Variants in RUNDC3B observed in about 807,000 individuals in gnomAD.
The protein encoded by RUNDC3B is RUN domain-containing protein 3B.
In RUNDC3B, 33 loss-of-function variants were observed where a neutral mutation model predicts 58.4. The observed-to-expected ratio is 0.56, with a 90% confidence interval of 0.43 to 0.75. RUNDC3B has a LOEUF of 0.75. RUNDC3B is among the 30% of genes least tolerant of loss of function. The pLI, the probability that RUNDC3B is intolerant of heterozygous loss-of-function variation, is 0.00. For synonymous variants in RUNDC3B, 193 were observed against 195.2 expected (o/e 0.99, Z 0.10); for missense variants, 501 against 535.7 (o/e 0.94, Z 0.64).
chr7:87,793,658 C>A (rs1835650616), intron 8 of RUNDC3B, among the ~76,000 whole-genome samples: 1 of 151,990 alleles, frequency 6.6e-6, no homozygotes, highest in Non-Finnish European at 1.5e-5. Flanking sequence ...ACTCAAAAAA[C>A]TGAGTTTTTT....
intron 2 of RUNDC3B, chr7:87,659,132 A>G (rs1824433896): frequency 2.8e-6 from 1 of 357,538 alleles, no homozygotes; most frequent in South Asian, 2.3e-5. Flanking sequence ...ACTGCAATCT[A>G]GCCTGGGCAA....
intron 1 of RUNDC3B, among the ~76,000 whole-genome samples, chr7:87,633,445 T>C (rs934846394): frequency 2.0e-5 from 3 of 152,214 alleles, no homozygotes; most frequent in African/African-American, 4.8e-5. Flanking sequence ...CCTTGGAGAC[T>C]CTTGCAGCAT....
intron 4 of RUNDC3B, among the ~76,000 whole-genome samples, chr7:87,714,217 G>A (rs28381713): frequency 0.034 from 5,153 of 152,194 alleles, 274 homozygotes; most frequent in African/African-American, 0.11. Flanking sequence ...GTTCTTAGGC[G>A]GATCGGCAGG....
chr7:87,693,314 T>C (rs1053772589), intron 2 of RUNDC3B, among the ~76,000 whole-genome samples: 4 of 152,208 alleles, frequency 2.6e-5, no homozygotes, highest in Admixed American at 2.6e-4. Flanking sequence ...ACCAACATTT[T>C]ATATAATATC....
chr7:87,702,477 T>C (rs1213757113), intron 3 of RUNDC3B, among the ~76,000 whole-genome samples: 1 of 151,990 alleles, frequency 6.6e-6, no homozygotes, highest in Non-Finnish European at 1.5e-5. Flanking sequence ...ATAATATCTC[T>C]CTTTGTTGCC....
chr7:87,808,568 A>G (rs965651486), intron 9 of RUNDC3B, among the ~76,000 whole-genome samples: 2 of 152,220 alleles, frequency 1.3e-5, no homozygotes, highest in Non-Finnish European at 2.9e-5. Flanking sequence ...TTCATTGATT[A>G]TTAGAGATAA....
intron 7 of RUNDC3B, among the ~76,000 whole-genome samples, chr7:87,775,819 C>T (rs1174684041): frequency 1.3e-5 from 2 of 152,102 alleles, no homozygotes; most frequent in East Asian, 3.9e-4. Flanking sequence ...ATAGGCTATA[C>T]CATCTAGCCT....
At chr7:87,648,708 G>T (rs28746500) in intron 1 of RUNDC3B, among the ~76,000 whole-genome samples, 321 of 151,874 alleles carry the variant, frequency 2.1e-3, no homozygotes, top group African/African-American at 7.4e-3. Context: ...TTTATTTCCC[G>T]ATATAACTGG....
chr7:87,732,421 G>A (rs1278915838), intron 4 of RUNDC3B, among the ~76,000 whole-genome samples: 4 of 152,136 alleles, frequency 2.6e-5, no homozygotes, highest in Non-Finnish European at 5.9e-5. Context: ...GGGGAGAGTC[G>A]GAAAAAGCGT....
At chr7:87,662,519 C>A (rs1222740431) in intron 2 of RUNDC3B, among the ~76,000 whole-genome samples, 1 of 152,026 alleles carries the variant, frequency 6.6e-6, no homozygotes, top group East Asian at 1.9e-4. Context: ...TGTCCTTTCC[C>A]CAATATACAT....
chr7:87,756,562 G>A (rs1833386113), intron 6 of RUNDC3B, among the ~76,000 whole-genome samples: 2 of 151,660 alleles, frequency 1.3e-5, no homozygotes, highest in South Asian at 4.2e-4. Flanking sequence ...GGTAAGTTAT[G>A]GCTTATTTTA....
intron 4 of RUNDC3B, among the ~76,000 whole-genome samples, chr7:87,721,690 T>G (rs140911138): frequency 6.6e-6 from 1 of 152,238 alleles, no homozygotes; most frequent in Non-Finnish European, 1.5e-5. Context: ...TATTGCACTT[T>G]CTAAGATTGA....
At chr7:87,697,367 C>T (rs1409747153) in intron 2 of RUNDC3B, among the ~76,000 whole-genome samples, 1 of 152,090 alleles carries the variant, frequency 6.6e-6, no homozygotes, top group African/African-American at 2.4e-5. Flanking sequence ...GTGTGTAGTA[C>T]TTCATTTCTT....
At chr7:87,788,342 A>C (rs555644761) in intron 8 of RUNDC3B, among the ~76,000 whole-genome samples, 17 of 152,228 alleles carry the variant, frequency 1.1e-4, no homozygotes, top group Non-Finnish European at 2.1e-4. Flanking sequence ...GCATAAGTGC[A>C]TTCCAGTCTG....
intron 2 of RUNDC3B, among the ~76,000 whole-genome samples, chr7:87,658,187 A>AGCAAAGAAATGGAAGAT (rs1381453563): frequency 6.6e-6 from 1 of 152,196 alleles, no homozygotes; most frequent in African/African-American, 2.4e-5. Flanking sequence ...AGAAATCCAC[A>AGCAAAGAAATGGAAGAT]GCAAAGAAAT....
chr7:87,801,665 A>G (rs192345967), intron 8 of RUNDC3B, among the ~76,000 whole-genome samples: 2 of 152,126 alleles, frequency 1.3e-5, no homozygotes, highest in Non-Finnish European at 1.5e-5. Flanking sequence ...GCTACTTGGG[A>G]GGCTGAGGCA....
intron 2 of RUNDC3B, among the ~76,000 whole-genome samples, chr7:87,667,957 G>A (rs1312407541): frequency 6.6e-6 from 1 of 151,890 alleles, no homozygotes; most frequent in African/African-American, 2.4e-5. Context: ...TTTTTTTGTT[G>A]TGTCTCTTCC....
At chr7:87,708,591 C>T (rs1196328269) in intron 3 of RUNDC3B, among the ~76,000 whole-genome samples, 1 of 152,038 alleles carries the variant, frequency 6.6e-6, no homozygotes, top group African/African-American at 2.4e-5. Context: ...TAAGAGTTGT[C>T]TGTCAGATAT....
chr7:87,706,378 A>T (rs1419784825), intron 3 of RUNDC3B, among the ~76,000 whole-genome samples: 1 of 152,180 alleles, frequency 6.6e-6, no homozygotes, highest in Middle Eastern at 3.2e-3. Flanking sequence ...AGGGAGGAGT[A>T]GAAGCAGAGA....
Sources: gnomAD v4.1 joint callset for allele counts (sites outside exome capture counted in the v4.1 genomes callset) on GRCh38, gnomAD v4.1.1 for gene constraint, MANE v1.5 for transcripts, NCBI Gene and HGNC (gene_info 2026-07-23, HGNC 2026-07-21) for gene names.